The following KIF18A variants were observed in gnomAD, a reference collection of about 807,000 sequenced individuals.
KIF18A encodes the protein kinesin-like protein KIF18A.
In KIF18A, 67 loss-of-function variants were observed where a neutral mutation model predicts 103.3. That is an observed-to-expected ratio of 0.65 (90% CI 0.53 to 0.79). KIF18A has a LOEUF of 0.79. Ranked by LOEUF, KIF18A falls within the 30% of genes least tolerant of loss-of-function variation. The pLI is 0.00. For synonymous variants in KIF18A, 367 were observed against 355.5 expected, an observed-to-expected ratio of 1.03 and a Z score of -0.36; for missense variants, 1,032 against 1,062.5, an observed-to-expected ratio of 0.97 and a Z score of 0.40.
intron 13 of KIF18A, among the ~76,000 whole-genome samples, chr11:28,052,689 C>T (rs1850725586): frequency 6.6e-6 from 1 of 151,958 alleles, no homozygotes; most frequent in African/African-American, 2.4e-5. Context: ...AATTTATTTA[C>T]TATATTATTG....
rs75293434 is a variant in KIF18A, at chr11:28,104,235, T to C, written c.-47+3829A>G. Among the ~76,000 whole-genome samples, 468 of 152,312 alleles carry C rather than the reference T, an allele frequency of 3.1e-3. 4 individuals carry two copies. The highest frequency in any genetic ancestry group is 0.011 in the African/African-American group (457 of 41,582). ...ATCATGATATGTATTGCATGTCATT[T>C]ACCTGCTCCAAACTATCCAATGACT... On this transcript the variant is annotated intron_variant, in intron 1 of 16. Coordinates refer to ENST00000263181, the MANE Select transcript of KIF18A (RefSeq NM_031217.4).
At chr11:28,105,991 C>T (rs1046332263) in intron 1 of KIF18A, among the ~76,000 whole-genome samples, 11 of 152,236 alleles carry the variant, frequency 7.2e-5, no homozygotes, top group East Asian at 1.9e-4. Flanking sequence ...TCCAAGATGA[C>T]GTAACAAGTG....
At chr11:28,075,212 C>T (rs1392124121) in intron 10 of KIF18A, among the ~76,000 whole-genome samples, 1 of 152,058 alleles carries the variant, frequency 6.6e-6, no homozygotes, top group African/African-American at 2.4e-5. Flanking sequence ...TTATCTTTAT[C>T]CTGCATTTGG....
chr11:28,067,250 T>C (rs1399034940), intron 11 of KIF18A, among the ~76,000 whole-genome samples: 1 of 152,152 alleles, frequency 6.6e-6, no homozygotes, highest in African/African-American at 2.4e-5. Context: ...CTGTATTCTA[T>C]GTTTAATGTC....
intron 15 of KIF18A, among the ~76,000 whole-genome samples, chr11:28,024,765 G>A (rs573657166): frequency 2.6e-5 from 4 of 151,996 alleles, no homozygotes; most frequent in South Asian, 2.1e-4. Flanking sequence ...GTAGGATTGG[G>A]GGGGGTTGGG....
Position 28,059,016 on chromosome 11 carries a change from T to G in KIF18A, c.1858A>C (p.Thr620Pro). The change falls in exon 13 of 17, where the codon ACT becomes CCT. Residue 620 changes from threonine to proline, a missense_variant. Transcript: ENST00000263181. ...RKKVVVWADQ[T>P]AEQPKQNDLP... ...TCGTTTTGCTTTGGTTGTTCGGCAG[T>G]TTGGTCAGCCCAAACTACCACTTTT... is the stretch of plus-strand genomic sequence containing the variant. 6.2e-7 allele frequency: 1 copy of G among 1,614,084 alleles called. No homozygotes were observed. The highest frequency in any genetic ancestry group is 8.5e-7 in the Non-Finnish European group (1 of 1,179,970).
At chr11:28,027,493 T>C (rs1302071118) in intron 15 of KIF18A, among the ~76,000 whole-genome samples, 3 of 151,878 alleles carry the variant, frequency 2.0e-5, no homozygotes, top group Non-Finnish European at 4.4e-5. Context: ...ATCTCAAATA[T>C]TACTTTTCCC....
At chr11:28,082,710 A>G (rs933098916) in intron 9 of KIF18A, 146 bp downstream of exon 9, 1 of 517,902 alleles carries the variant, frequency 1.9e-6, no homozygotes, top group Non-Finnish European at 3.4e-6. Flanking sequence ...TTATGTATGT[A>G]TGTATGTATG....
At chr11:28,084,909 C>A in intron 6 of KIF18A, 101 bp from the exon 7 acceptor site, 1 of 808,488 alleles carries the variant, frequency 1.2e-6, no homozygotes, top group Non-Finnish European at 2.0e-6. Flanking sequence ...ACCTAGGTGC[C>A]GAGGCAAGAG....
At position 28,020,923 on chromosome 11, in the gene KIF18A, C is replaced by G. The variant is rs1850230109; in HGVS notation, c.*277G>C. The G allele has an allele frequency of 5.4e-6, 1 of 184,120 alleles. No individual in the cohort carries two copies. The highest frequency in any genetic ancestry group is 1.6e-4 in the South Asian group (1 of 6,112). 11.4% of individuals were successfully genotyped at this position (184,120 alleles called of 1,614,324 possible). ...GTCAACTTGTTGTGGCATAGTAAAA[C>G]TAAGCTGCCACCATGGTAACTTACA... On this transcript the variant is annotated 3_prime_UTR_variant, in exon 17 of 17. Transcript: ENST00000263181.
At chr11:28,093,865 A>G (rs548831583) in intron 3 of KIF18A, among the ~76,000 whole-genome samples, 1 of 152,190 alleles carries the variant, frequency 6.6e-6, no homozygotes, top group Non-Finnish European at 1.5e-5. Flanking sequence ...AAGTTTGAGG[A>G]GTAAGGAATA....
intron 11 of KIF18A, among the ~76,000 whole-genome samples, chr11:28,064,567 G>C (rs933243704): frequency 2.6e-5 from 4 of 151,896 alleles, no homozygotes; most frequent in African/African-American, 4.8e-5. Flanking sequence ...AAACCTACAT[G>C]TTGTGCTCAT....
intron 6 of KIF18A, among the ~76,000 whole-genome samples, chr11:28,086,918 GA>G (rs1262588573): frequency 6.6e-6 from 1 of 151,770 alleles, no homozygotes; most frequent in African/African-American, 2.4e-5. Flanking sequence ...TTTTAACTCA[GA>G]ATATAAAAGA....
chr11:28,036,070 C>G (rs1425745333), intron 14 of KIF18A, 147 bp downstream of exon 14: 1 of 572,486 alleles, frequency 1.7e-6, no homozygotes, highest in Non-Finnish European at 3.0e-6. Flanking sequence ...AATTAATATT[C>G]AGAGAGAAAG....
At chr11:28,106,604 G>A (rs953744755) in intron 1 of KIF18A, among the ~76,000 whole-genome samples, 1 of 151,636 alleles carries the variant, frequency 6.6e-6, no homozygotes, top group Non-Finnish European at 1.5e-5. Flanking sequence ...AATTGATTTG[G>A]GGTATTTCTA....
intron 15 of KIF18A, among the ~76,000 whole-genome samples, chr11:28,033,988 C>T (rs1474219108): frequency 2.0e-5 from 3 of 151,640 alleles, no homozygotes; most frequent in South Asian, 2.1e-4. Context: ...TACGTACCCA[C>T]AAAAATAAAA....
chr11:28,036,378 C>T lies in KIF18A; in HGVS notation c.2235G>A (p.Leu745=). The change falls in exon 14 of 17, where the codon CTG becomes CTA. Residue 745 remains leucine, a synonymous_variant. Transcript: ENST00000263181. The part of the protein sequence containing the change: ...ISSNINSDNC[L]KMLCEVAIPH... ...GGATAGCTACTTCACACAACATTTTCAGACAATTATCACTGTTTATGTTTG... is the reference window on the plus strand; with the variant it reads ...GGATAGCTACTTCACACAACATTTTTAGACAATTATCACTGTTTATGTTTG... 1 of 1,611,268 alleles carries T rather than the reference C, an allele frequency of 6.2e-7. No individual in the cohort carries two copies. The highest frequency in any genetic ancestry group is 8.5e-7 in the Non-Finnish European group (1 of 1,178,252).
chr11:28,042,965 T>G (rs917412957), intron 13 of KIF18A, among the ~76,000 whole-genome samples: 11 of 151,866 alleles, frequency 7.2e-5, no homozygotes, highest in African/African-American at 1.7e-4. Flanking sequence ...TCCTTTACCC[T>G]TCAGTGCTAT....
chr11:28,022,129 T>C (rs1408813696), intron 16 of KIF18A, among the ~76,000 whole-genome samples: 2 of 152,224 alleles, frequency 1.3e-5, no homozygotes, highest in Non-Finnish European at 2.9e-5. Context: ...TTGGCAAGCA[T>C]TGTGGTTTAT....
Sources: gnomAD v4.1 joint callset for allele counts (sites outside exome capture counted in the v4.1 genomes callset) on GRCh38, gnomAD v4.1.1 for gene constraint, MANE v1.5 for transcripts, NCBI Gene and HGNC (gene_info 2026-07-23, HGNC 2026-07-21) for gene names.